SEC61A2: variants seen among roughly 807,000 people sequenced by gnomAD.
SEC61A2 encodes protein transport protein Sec61 subunit alpha isoform 2.
SEC61A2 carries 28 observed loss-of-function variants against 59.9 expected under a neutral mutation model. The observed-to-expected ratio is 0.47, with a 90% confidence interval of 0.35 to 0.64. SEC61A2 has a LOEUF of 0.64. SEC61A2 is among the 30% of genes least tolerant of loss of function. The pLI is 0.01. For synonymous variants in SEC61A2, 202 were observed against 214.4 expected (o/e 0.94, Z 0.50); for missense variants, 340 against 585.9 (o/e 0.58, Z 4.33).
chr10:12,140,525 G>T (rs1338471678), intron 3 of SEC61A2, among the ~76,000 whole-genome samples: 3 of 152,202 alleles, frequency 2.0e-5, no homozygotes, highest in Non-Finnish European at 4.4e-5. Context: ...ATGGGAGGTT[G>T]GCTTGCTGTT....
chr10:12,135,136 C>T (rs1434163758), intron 2 of SEC61A2, among the ~76,000 whole-genome samples: 1 of 140,372 alleles, frequency 7.1e-6, no homozygotes, highest in African/African-American at 2.7e-5. Context: ...GGGAACATCA[C>T]ACAGGGGCCT....
chr10:12,139,894 G>A (rs972975394), intron 3 of SEC61A2, among the ~76,000 whole-genome samples: 26 of 150,814 alleles, frequency 1.7e-4, no homozygotes, highest in Non-Finnish European at 2.8e-4. Flanking sequence ...GCGTGAACCC[G>A]GGAGGCGGAG....
At position 12,165,334 on chromosome 10, in the gene SEC61A2, C is replaced by G. The variant is rs1834643154; in HGVS notation, c.*880C>G. 1 of 982,612 alleles carries G rather than the reference C, an allele frequency of 1.0e-6. No individual in the cohort carries two copies. Among genetic ancestry groups the G allele is most frequent in the Admixed American group, 6.1e-5 (1 of 16,262 alleles). 60.9% of individuals were successfully genotyped at this position (982,612 alleles called of 1,614,324 possible). A position where few individuals can be genotyped will look rare whatever the true frequency, so the allele number is the denominator to read the frequency against. Reference sequence around the variant, plus strand: ...CTCACAGCAGCAACATGAGTGTAAACAGTAGACAATAAACTTTTATTTAAG... The same window carrying G: ...CTCACAGCAGCAACATGAGTGTAAAGAGTAGACAATAAACTTTTATTTAAG... On this transcript the variant is annotated 3_prime_UTR_variant, in exon 12 of 12. Transcript: ENST00000298428.
chr10:12,159,862 A>G (rs1239567267), intron 9 of SEC61A2, among the ~76,000 whole-genome samples: 1 of 152,126 alleles, frequency 6.6e-6, no homozygotes, highest in Non-Finnish European at 1.5e-5. Flanking sequence ...ATAAGTTACA[A>G]AGACTCATAC....
chr10:12,146,604 G>A (rs1460671627), intron 4 of SEC61A2, among the ~76,000 whole-genome samples: 4 of 149,922 alleles, frequency 2.7e-5, no homozygotes, highest in Non-Finnish European at 4.4e-5. Context: ...TGCAAGCTCC[G>A]CCTCCCGGGT....
intron 9 of SEC61A2, among the ~76,000 whole-genome samples, chr10:12,159,698 T>C (rs1834485704): frequency 6.6e-6 from 1 of 152,170 alleles, no homozygotes; most frequent in African/African-American, 2.4e-5. Context: ...TCAAAAATAA[T>C]AGAATTTTAA....
chr10:12,143,049 T>A lies in SEC61A2; in HGVS notation c.142-68T>A. 5.6e-6 allele frequency: 7 copies of A among 1,239,688 alleles called. No homozygotes were observed. The highest frequency in any genetic ancestry group is 8.3e-6 in the Non-Finnish European group (7 of 843,014). 76.8% of individuals were successfully genotyped at this position (1,239,688 alleles called of 1,614,324 possible). A position where few individuals can be genotyped will look rare whatever the true frequency, so the allele number is the denominator to read the frequency against. Reference sequence around the variant, plus strand: ...CTCACTGCAGCCTTTGCCTCCTGGGTTCAAGCGATTCTTATGCCTCAGCCT... The same window carrying A: ...CTCACTGCAGCCTTTGCCTCCTGGGATCAAGCGATTCTTATGCCTCAGCCT... On this transcript the variant is annotated intron_variant, in intron 3 of 11. Coordinates refer to ENST00000298428, the MANE Select transcript of SEC61A2 (RefSeq NM_018144.4). This position sits in a 1 kb window ranked among gnomAD's most constrained non-coding sequence, Gnocchi z 4.8.
chr10:12,169,267 G>T, downstream of SEC61A2: 1 of 1,550,190 alleles, frequency 6.5e-7, no homozygotes, highest in Non-Finnish European at 8.7e-7. The surrounding 1 kb of genome is among the most constrained non-coding windows in gnomAD (Gnocchi z 4.8). Flanking sequence ...GACCAAAAGT[G>T]AAGTTAAGAA....
At chr10:12,134,466 A>G (rs1184693736) in intron 2 of SEC61A2, among the ~76,000 whole-genome samples, 5 of 152,218 alleles carry the variant, frequency 3.3e-5, no homozygotes, top group Non-Finnish European at 5.9e-5. Flanking sequence ...TCGCGTGCAC[A>G]TTGGATCCCT....
intron 4 of SEC61A2, among the ~76,000 whole-genome samples, chr10:12,144,208 G>A (rs1295838362): frequency 2.0e-5 from 3 of 152,078 alleles, no homozygotes; most frequent in Admixed American, 2.0e-4. Flanking sequence ...AAATGCACTA[G>A]CAATTTATAT....
intron 3 of SEC61A2, among the ~76,000 whole-genome samples, chr10:12,136,909 C>T (rs1028227157): frequency 2.6e-5 from 4 of 151,850 alleles, no homozygotes; most frequent in Admixed American, 1.3e-4. Context: ...GTATTATAGG[C>T]GTGAGCCACC....
Position 12,137,475 on chromosome 10 carries a change from C to T in SEC61A2, c.141+1305C>T, listed in dbSNP as rs557400989. On this transcript the variant is annotated intron_variant, in intron 3 of 11. Coordinates refer to ENST00000298428, the MANE Select transcript of SEC61A2 (RefSeq NM_018144.4). ...ACGAGCCACTACACCCAGTTAATTT[C>T]TTTTGGTATTGTAGAGATGAGGTTT... Among the ~76,000 whole-genome samples the T allele has an allele frequency of 9.3e-5, 14 of 151,282 alleles. No homozygotes were observed. In the South Asian group the frequency reaches 2.9e-3, roughly 32 times the overall value.
chr10:12,129,799 G>A lies in SEC61A2; in HGVS notation c.7+5G>A, dbSNP rs1337979805. 3 of 1,443,806 alleles carry A rather than the reference G, an allele frequency of 2.1e-6. No individual in the cohort carries two copies. In the African/African-American group the frequency reaches 4.4e-5, roughly 21 times the overall value. 89.4% of individuals were successfully genotyped at this position (1,443,806 alleles called of 1,614,324 possible). A position where few individuals can be genotyped will look rare whatever the true frequency, so the allele number is the denominator to read the frequency against. Reference sequence around the variant, plus strand: ...CCCCAGCAGCAGCCATGGGCAGTGAGTAGCGGCGGCTGGAGCGGGGACTCT... The same window carrying A: ...CCCCAGCAGCAGCCATGGGCAGTGAATAGCGGCGGCTGGAGCGGGGACTCT... On this transcript the variant is annotated splice_donor_5th_base_variant and intron_variant, in intron 1 of 11. Transcript: ENST00000298428. This position sits in a 1 kb window ranked among gnomAD's most constrained non-coding sequence, Gnocchi z 5.6.
In SEC61A2 at chr10:12,164,495, A is replaced by C; in HGVS notation, c.*41A>C. 6.3e-7 allele frequency: 1 copy of C among 1,585,632 alleles called. No homozygotes were observed. The highest frequency in any genetic ancestry group is 1.1e-5 in the South Asian group (1 of 87,000). On this transcript the variant is annotated 3_prime_UTR_variant, in exon 12 of 12. Coordinates refer to ENST00000298428, the MANE Select transcript of SEC61A2 (RefSeq NM_018144.4). The surrounding 1 kb of genome is among the most constrained non-coding windows in gnomAD (Gnocchi z 7.3). ...ATTTTGTGCGTGTGAAAGGGAAAAC[A>C]CTTTGACGGATCGTTTTTGTCAGAT...
At chr10:12,134,940 A>C (rs960111266) in intron 2 of SEC61A2, among the ~76,000 whole-genome samples, 1 of 151,974 alleles carries the variant, frequency 6.6e-6, no homozygotes, top group Non-Finnish European at 1.5e-5. Context: ...AAAGAAAAAA[A>C]GTCTACCTAG....
downstream of SEC61A2, chr10:12,167,163 T>C (rs548855258): frequency 6.3e-6 from 1 of 159,762 alleles, no homozygotes; most frequent in African/African-American, 2.4e-5. Flanking sequence ...TGAAAACTAG[T>C]AGAGGATTCT....
intron 4 of SEC61A2, among the ~76,000 whole-genome samples, chr10:12,148,465 G>A (rs1199654049): frequency 1.3e-5 from 2 of 149,316 alleles, no homozygotes; most frequent in Non-Finnish European, 3.0e-5. Flanking sequence ...GGCTGGTCTC[G>A]AACTCCTGAC....
At chr10:12,169,015 G>A (rs149843053), downstream of SEC61A2, among the ~76,000 whole-genome samples, 1,105 of 151,924 alleles carry the variant, frequency 7.3e-3, 8 homozygotes, top group African/African-American at 0.025. This position sits in a 1 kb window ranked among gnomAD's most constrained non-coding sequence, Gnocchi z 4.8. Context: ...AGCCTACCTC[G>A]GCCTCCCAAA....
In SEC61A2 at chr10:12,151,110, T is replaced by A. The variant is rs952325574; in HGVS notation, c.462+1149T>A. ...TAAAATATGTTAAGTTTGGAAGCTA[T>A]TTCTCTATTGTACAATCCTTAAAAA... On this transcript the variant is annotated intron_variant, in intron 6 of 11. Coordinates refer to ENST00000298428, the MANE Select transcript of SEC61A2 (RefSeq NM_018144.4). Among the ~76,000 whole-genome samples the A allele has an allele frequency of 3.3e-5, 5 of 150,960 alleles. No homozygotes were observed. The East Asian group carries it at 9.7e-4, about 29-fold the overall frequency.
Sources: allele counts gnomAD v4.1 joint callset (sites outside exome capture counted in the v4.1 genomes callset), GRCh38; gene constraint gnomAD v4.1.1; non-coding constraint Gnocchi (gnomAD v3.1); transcripts MANE v1.5; gene names NCBI Gene and HGNC (gene_info 2026-07-23, HGNC 2026-07-21).